The following AUTS2 variants were observed in gnomAD, a reference collection of about 807,000 sequenced individuals.
The protein encoded by AUTS2 is autism susceptibility gene 2 protein.
Under a neutral mutation model 112.4 loss-of-function variants are expected in AUTS2, and 17 were observed. That is an observed-to-expected ratio of 0.15 (90% CI 0.10 to 0.23). The LOEUF (loss-of-function observed/expected upper bound fraction) is 0.23, where lower values mean the gene tolerates loss of function less well. Ranked by LOEUF, AUTS2 falls within the 10% of genes least tolerant of loss-of-function variation. The probability of loss-of-function intolerance (pLI) is 1.00; values close to 1 mark genes in which losing one functional copy is unlikely to be tolerated. For synonymous variants in AUTS2, 751 were observed against 702.7 expected, an observed-to-expected ratio of 1.07 and a Z score of -1.09; for missense variants, 1,510 against 1,701.6, an observed-to-expected ratio of 0.89 and a Z score of 1.98.
intron 18 of AUTS2, among the ~76,000 whole-genome samples, chr7:70,788,937 C>T (rs1218266533): frequency 6.6e-6 from 1 of 152,222 alleles, no homozygotes; most frequent in Non-Finnish European, 1.5e-5. Context: ...CTGCCCAATA[C>T]TCTTGAGCCC....
At chr7:70,206,372 GTTTT>G (rs989895376) in intron 4 of AUTS2, among the ~76,000 whole-genome samples, 4 of 150,174 alleles carry the variant, frequency 2.7e-5, no homozygotes, top group African/African-American at 7.3e-5. Flanking sequence ...TCTGTTTTTT[GTTTT>G]TTTTTCCTAG....
At chr7:70,718,879 G>A (rs1464236767) in intron 6 of AUTS2, among the ~76,000 whole-genome samples, 1 of 152,076 alleles carries the variant, frequency 6.6e-6, no homozygotes, top group Non-Finnish European at 1.5e-5. Flanking sequence ...ACACTTTTGA[G>A]AGTGAAATCG....
chr7:69,822,939 C>A (rs1791064325), intron 1 of AUTS2, among the ~76,000 whole-genome samples: 1 of 152,132 alleles, frequency 6.6e-6, no homozygotes, highest in African/African-American at 2.4e-5. Flanking sequence ...GCCGAGGTCC[C>A]CATGTTTTGC....
chr7:70,310,615 A>G (rs1360651115), intron 4 of AUTS2, among the ~76,000 whole-genome samples: 1 of 151,176 alleles, frequency 6.6e-6, no homozygotes, highest in Non-Finnish European at 1.5e-5. Flanking sequence ...TCTGTCTTAA[A>G]AAAAAAAAAA....
At chr7:70,412,980 A>G (rs1259995237) in intron 4 of AUTS2, among the ~76,000 whole-genome samples, 1 of 152,062 alleles carries the variant, frequency 6.6e-6, no homozygotes, top group Non-Finnish European at 1.5e-5. Context: ...ACAGAGTGAG[A>G]CTCCATCCCA....
intron 1 of AUTS2, among the ~76,000 whole-genome samples, chr7:69,856,059 G>A (rs1424661395): frequency 6.6e-6 from 1 of 152,186 alleles, no homozygotes; most frequent in Admixed American, 6.5e-5. Flanking sequence ...TGTGTTTCCT[G>A]ACTAAATATT....
At chr7:70,453,143 G>C (rs1387772115) in intron 5 of AUTS2, among the ~76,000 whole-genome samples, 1 of 152,116 alleles carries the variant, frequency 6.6e-6, no homozygotes, top group African/African-American at 2.4e-5. Context: ...TGTGCTTCAG[G>C]ATAAGGGCAC....
intron 1 of AUTS2, among the ~76,000 whole-genome samples, chr7:69,873,229 A>G (rs1793583482): frequency 6.6e-6 from 1 of 152,210 alleles, no homozygotes; most frequent in Non-Finnish European, 1.5e-5. Flanking sequence ...AACAGAGTGC[A>G]GTGCTTCACA....
intron 5 of AUTS2, among the ~76,000 whole-genome samples, chr7:70,581,591 A>G (rs1039620079): frequency 6.6e-6 from 1 of 152,106 alleles, no homozygotes; most frequent in African/African-American, 2.4e-5. Context: ...CCAGAGACTA[A>G]CTATGCACAC....
intron 6 of AUTS2, among the ~76,000 whole-genome samples, chr7:70,714,473 T>G (rs2129550377): frequency 6.6e-6 from 1 of 152,360 alleles, no homozygotes; most frequent in South Asian, 2.1e-4. Context: ...TATGCAGTAA[T>G]TCCTCAGTGT....
intron 2 of AUTS2, among the ~76,000 whole-genome samples, chr7:70,003,719 T>C (rs1382184940): frequency 8.0e-6 from 1 of 125,042 alleles, no homozygotes. Flanking sequence ...GAATGTGTTA[T>C]ATATGAATAT....
At chr7:70,209,939 C>G (rs1314892160) in intron 4 of AUTS2, among the ~76,000 whole-genome samples, 1 of 151,990 alleles carries the variant, frequency 6.6e-6, no homozygotes, top group Non-Finnish European at 1.5e-5. Flanking sequence ...GGAATCCCCC[C>G]CTCCACCATG....
intron 2 of AUTS2, among the ~76,000 whole-genome samples, chr7:69,989,849 G>A (rs964078734): frequency 2.6e-5 from 4 of 152,212 alleles, no homozygotes; most frequent in East Asian, 1.9e-4. Context: ...TCAGATCAGC[G>A]GCGGCATTAG....
intron 5 of AUTS2, among the ~76,000 whole-genome samples, chr7:70,646,120 G>A (rs780386669): frequency 3.9e-5 from 6 of 152,158 alleles, no homozygotes; most frequent in Non-Finnish European, 8.8e-5. Flanking sequence ...ACTGTAAAAT[G>A]CATCGACAGA....
At chr7:70,276,472 G>A (rs1200338612) in intron 4 of AUTS2, among the ~76,000 whole-genome samples, 1 of 150,696 alleles carries the variant, frequency 6.6e-6, no homozygotes, top group African/African-American at 2.4e-5. Context: ...TCTGCCTCCC[G>A]GGTTCAAGTG....
rs561885983 is a variant in AUTS2, at chr7:70,426,226, T to C, written c.661-9526T>C. 3.5e-4 allele frequency among the ~76,000 whole-genome samples: 54 copies of C among 152,288 alleles called. 1 individual carries two copies. Among genetic ancestry groups the C allele is most frequent in the African/African-American group, 1.3e-3 (53 of 41,560 alleles). On this transcript the variant is annotated intron_variant, in intron 4 of 18. Coordinates refer to ENST00000342771, the MANE Select transcript of AUTS2 (RefSeq NM_015570.4). ...GTTATCTGTTCCTCTGGCTTTGGCT[T>C]CCTGAGTCTTAAGCACCCTTCTCTT... is the stretch of plus-strand genomic sequence containing the variant.
intron 1 of AUTS2, among the ~76,000 whole-genome samples, chr7:69,612,808 C>G (rs762527952): frequency 1.3e-5 from 2 of 152,066 alleles, no homozygotes; most frequent in Non-Finnish European, 2.9e-5. Context: ...AAATGTAACC[C>G]CTGCACTCTT....
At chr7:69,843,982 CAT>C (rs1336116587) in intron 1 of AUTS2, among the ~76,000 whole-genome samples, 3 of 152,274 alleles carry the variant, frequency 2.0e-5, no homozygotes, top group Admixed American at 6.5e-5. Context: ...ATCTTTGTAT[CAT>C]GTGAGAGTTA....
intron 2 of AUTS2, among the ~76,000 whole-genome samples, chr7:70,002,556 C>T (rs887714745): frequency 1.3e-5 from 2 of 151,826 alleles, no homozygotes; most frequent in African/African-American, 4.8e-5. Flanking sequence ...TTGGCAGTGG[C>T]GAAAATAAGA....
Sources: allele counts gnomAD v4.1 joint callset (sites outside exome capture counted in the v4.1 genomes callset), GRCh38; gene constraint gnomAD v4.1.1; transcripts MANE v1.5; gene names NCBI Gene and HGNC (gene_info 2026-07-23, HGNC 2026-07-21).